LUZP1: variants seen among roughly 807,000 people sequenced by gnomAD.
LUZP1 encodes leucine zipper protein 1, also known as filamin mechanobinding actin cross-linking protein.
LUZP1 carries 25 observed loss-of-function variants against 71.3 expected under a neutral mutation model. That is an observed-to-expected ratio of 0.35 (90% CI 0.26 to 0.49). The LOEUF is 0.49. Among genes scored for constraint, LUZP1 ranks in the 20% least tolerant of loss-of-function variants. LUZP1 has a pLI of 0.99. For synonymous variants in LUZP1, 481 were observed against 506.4 expected (o/e 0.95, Z 0.67); for missense variants, 1,142 against 1,300.8 (o/e 0.88, Z 1.88).
At chr1:23,118,711 C>G (rs1569604088) in intron 2 of LUZP1, among the ~76,000 whole-genome samples, 3 of 152,118 alleles carry the variant, frequency 2.0e-5, no homozygotes, top group Non-Finnish European at 2.9e-5. Context: ...TTCTGTGATC[C>G]AAGGCTGCCT....
At chr1:23,111,115 T>A (rs1253789504) in intron 2 of LUZP1, among the ~76,000 whole-genome samples, 1 of 145,560 alleles carries the variant, frequency 6.9e-6, no homozygotes, top group Non-Finnish European at 1.5e-5. Flanking sequence ...CAAGAGAACC[T>A]CTTCAAACCA....
At chr1:23,109,548 A>AGTGCCCACATG (rs1553137126) in intron 2 of LUZP1, 3 of 152,282 alleles carry the variant, frequency 2.0e-5, no homozygotes, top group Middle Eastern at 3.2e-3. Context: ...AAATGTTTTG[A>AGTGCCCACATG]GTGCCCACAT....
chr1:23,091,977 TCAA>T (rs771156968), exon 4 of LUZP1: 1 of 1,614,174 alleles, frequency 6.2e-7, no homozygotes, highest in Non-Finnish European at 8.5e-7. Flanking sequence ...CACATCCTTA[TCAA>T]CAATAACAGG....
chr1:23,145,069 G>C (rs1644331654), intron 2 of LUZP1, among the ~76,000 whole-genome samples: 2 of 151,802 alleles, frequency 1.3e-5, no homozygotes, highest in Admixed American at 1.3e-4. Flanking sequence ...CTAATTTTTT[G>C]TATTTTGTGT....
At chr1:23,084,168 A>G (rs987251184) in exon 5 of LUZP1, 1 of 152,240 alleles carries the variant, frequency 6.6e-6, no homozygotes, top group African/African-American at 2.4e-5. Context: ...AGCTGGTTTA[A>G]CAGATTGCCA....
intron 2 of LUZP1, chr1:23,163,813 A>G (rs575285309): frequency 2.0e-5 from 3 of 152,354 alleles, no homozygotes; most frequent in Admixed American, 2.0e-4. Flanking sequence ...AAACCTGAGC[A>G]TCAATCATAC....
At chr1:23,174,744 G>C (rs1457208064) in intron 1 of LUZP1, among the ~76,000 whole-genome samples, 1 of 152,126 alleles carries the variant, frequency 6.6e-6, no homozygotes, top group Non-Finnish European at 1.5e-5. Context: ...TTGCTGGTTT[G>C]CAAACAACAA....
intron 2 of LUZP1, among the ~76,000 whole-genome samples, chr1:23,132,689 T>G (rs560824462): frequency 5.9e-5 from 9 of 152,216 alleles, no homozygotes; most frequent in Non-Finnish European, 1.3e-4. Flanking sequence ...AGAAAAAAAT[T>G]TGTTGTGATA....
chr1:23,103,620 C>T (rs1022803402), intron 3 of LUZP1, among the ~76,000 whole-genome samples: 3 of 151,688 alleles, frequency 2.0e-5, no homozygotes, highest in Admixed American at 6.6e-5. Flanking sequence ...AGATACCCTA[C>T]TTATTTTTCT....
intron 2 of LUZP1, among the ~76,000 whole-genome samples, chr1:23,164,581 A>G (rs1205708781): frequency 2.6e-5 from 4 of 152,208 alleles, no homozygotes; most frequent in African/African-American, 9.6e-5. Context: ...GGCTTCTTCT[A>G]GAAGCTCACT....
rs145388641 is a variant in LUZP1, at chr1:23,092,943, C to T, written c.1319G>A (p.Ser440Asn). ...TGTCTCCTGAGTCCCACTGTCTGTA[C>T]TCACCCCCATGTGAGAAGCTTTTGC... is the stretch of plus-strand genomic sequence containing the variant. Residue 440 changes from serine to asparagine, a missense_variant, in exon 4 of 5, where the codon AGT (serine) becomes AAT (asparagine). Coordinates refer to ENST00000302291, the Ensembl canonical transcript of LUZP1. The T allele has an allele frequency of 1.2e-3, 1,862 of 1,614,144 alleles. 2 individuals are homozygous for T. Among genetic ancestry groups the T allele is most frequent in the Non-Finnish European group, 1.5e-3 (1,712 of 1,180,004 alleles).
rs571322324 is a variant in LUZP1 at position 23,165,822 on chromosome 1, GA to G, written c.-226+2943del. Among the ~76,000 whole-genome samples the G allele has an allele frequency of 4.5e-4, 69 of 152,170 alleles. 1 individual carries two copies. In the South Asian group the frequency reaches 6.8e-3, roughly 15 times the overall value. ...ACTGTCCCTAAAAGCTGTATTACAT[GA>G]AAAATGATTCTGTTTCTGATAATGT... On this transcript the variant is annotated intron_variant, in intron 2 of 4. Coordinates refer to ENST00000302291, the Ensembl canonical transcript of LUZP1.
chr1:23,103,734 G>C (rs1643950191), intron 3 of LUZP1, among the ~76,000 whole-genome samples: 1 of 150,812 alleles, frequency 6.6e-6, no homozygotes, highest in African/African-American at 2.4e-5. Flanking sequence ...TTTTGTGTTT[G>C]TAATTTTTTT....
At chr1:23,166,513 G>A (rs1218035634) in intron 2 of LUZP1, among the ~76,000 whole-genome samples, 1 of 151,808 alleles carries the variant, frequency 6.6e-6, no homozygotes, top group Non-Finnish European at 1.5e-5. Flanking sequence ...AAATTAACCG[G>A]GCAAGGTGGC....
rs546599548 is a variant in LUZP1, at chr1:23,125,831, T to TTGCC, written c.-225-16708_-225-16705dup. Among the ~76,000 whole-genome samples the TTGCC allele has an allele frequency of 5.7e-4, 86 of 152,170 alleles. No individual in the cohort carries two copies. The South Asian group carries it at 0.011, about 20-fold the overall frequency. On this transcript the variant is annotated intron_variant, in intron 2 of 4. Coordinates refer to ENST00000302291, the Ensembl canonical transcript of LUZP1. The stretch of plus-strand genomic sequence containing the variant: ...TAACGAATCTTAAATAAGCAAGTAC[T>TTGCC]TGCCTGCCTGCCTGCCTGCCTGCCT...
intron 2 of LUZP1, among the ~76,000 whole-genome samples, chr1:23,160,110 T>C (rs1644452500): frequency 6.6e-6 from 1 of 152,186 alleles, no homozygotes; most frequent in African/African-American, 2.4e-5. Context: ...TAAAAACTAA[T>C]TTAAATTTAC....
intron 3 of LUZP1, among the ~76,000 whole-genome samples, chr1:23,103,962 T>C (rs190152147): frequency 1.2e-3 from 165 of 142,414 alleles, no homozygotes; most frequent in Admixed American, 3.8e-3. Context: ...AACAAAACAA[T>C]GCTGTATTCG....
At chr1:23,102,218 C>T (rs1209531397) in intron 3 of LUZP1, among the ~76,000 whole-genome samples, 1 of 152,174 alleles carries the variant, frequency 6.6e-6, no homozygotes, top group Admixed American at 6.5e-5. Flanking sequence ...ACATTAGTAC[C>T]TGGCTCAGTT....
intron 1 of LUZP1, among the ~76,000 whole-genome samples, chr1:23,174,799 A>G (rs1032317980): frequency 6.6e-6 from 1 of 152,216 alleles, no homozygotes; most frequent in Non-Finnish European, 1.5e-5. Context: ...TCTGCCAAGA[A>G]TCATAGAAAG....
Sources: gnomAD v4.1 joint callset for allele counts (sites outside exome capture counted in the v4.1 genomes callset) on GRCh38, gnomAD v4.1.1 for gene constraint, MANE v1.5 for transcripts, NCBI Gene and HGNC (gene_info 2026-07-23, HGNC 2026-07-21) for gene names.